CYP4F22: variants seen among roughly 807,000 people sequenced by gnomAD.
The protein encoded by CYP4F22 is cytochrome P450 family 4 subfamily F member 22.
Under a neutral mutation model 60.4 loss-of-function variants are expected in CYP4F22, and 37 were observed. The ratio of observed to expected loss-of-function variants is 0.61; its 90% confidence interval spans 0.47 to 0.81. The LOEUF (loss-of-function observed/expected upper bound fraction) is 0.81, where lower values mean the gene tolerates loss of function less well. Ranked by LOEUF, CYP4F22 falls within the 30% of genes least tolerant of loss-of-function variation. The pLI is 0.00. For missense variants in CYP4F22, 655 were observed against 715.0 expected (o/e 0.92, Z 0.96); for synonymous variants, 258 against 280.5 (o/e 0.92, Z 0.80).
chr19:15,516,676 C>T, intron 1 of CYP4F22: 1 of 482,720 alleles, frequency 2.1e-6, no homozygotes, highest in Non-Finnish European at 3.9e-6. Flanking sequence ...TCAGAGGCGG[C>T]TGAGAGGAGC....
At chr19:15,537,465 A>G in intron 5 of CYP4F22, 51 bp downstream of exon 5, 1 of 1,614,134 alleles carries the variant, frequency 6.2e-7, no homozygotes, top group Non-Finnish European at 8.5e-7. Context: ...AAGAGAGGGA[A>G]GAGCATGGGG....
At chr19:15,530,128 T>A (rs1169029835) in intron 4 of CYP4F22, among the ~76,000 whole-genome samples, 1 of 152,122 alleles carries the variant, frequency 6.6e-6, no homozygotes, top group Non-Finnish European at 1.5e-5. Context: ...TTCCTTATGG[T>A]TTTGTTAAGT....
At chr19:15,545,115 A>AC (rs964425269) in intron 10 of CYP4F22, among the ~76,000 whole-genome samples, 5 of 148,986 alleles carry the variant, frequency 3.4e-5, no homozygotes, top group East Asian at 1.9e-4. Context: ...AAAAAAAAAA[A>AC]ACAAAAGCTG....
At chr19:15,536,409 GTCTT>G (rs1329343497) in intron 4 of CYP4F22, among the ~76,000 whole-genome samples, 21 of 152,158 alleles carry the variant, frequency 1.4e-4, no homozygotes, top group African/African-American at 5.1e-4. Context: ...AGACAGAGGT[GTCTT>G]GAGAGAGATT....
In CYP4F22 at chr19:15,550,716, C is replaced by A. The variant is rs748177003; in HGVS notation, c.1378C>A (p.Arg460Ser). 1 of 1,614,200 alleles carries A rather than the reference C, an allele frequency of 6.2e-7. No individual in the cohort carries two copies. Among genetic ancestry groups the A allele is most frequent in the Non-Finnish European group, 8.5e-7 (1 of 1,180,040 alleles). ...YRFDPDNPQQ[R>S]SPLAYVPFSA... The stretch of plus-strand genomic sequence containing the variant: ...CTTTGACCCGGACAACCCACAGCAG[C>A]GCTCTCCACTGGCCTATGTGCCCTT... The change falls in exon 13 of 14, where the codon CGC becomes AGC. Residue 460 changes from arginine to serine, a missense_variant. Arg to Ser is a moderately radical substitution (Grantham distance 110, BLOSUM62 -1). Coordinates refer to ENST00000269703, the MANE Select transcript of CYP4F22 (RefSeq NM_173483.4).
chr19:15,543,886 C>T (rs1274849711), intron 8 of CYP4F22, 85 bp from the exon 9 acceptor site: 9 of 1,245,716 alleles, frequency 7.2e-6, no homozygotes, highest in African/African-American at 6.1e-5. Flanking sequence ...AAGATGGGGG[C>T]GGGGAGATAT....
At chr19:15,538,085 C>G in intron 7 of CYP4F22, 92 bp downstream of exon 7, 4 of 1,573,438 alleles carry the variant, frequency 2.5e-6, no homozygotes, top group South Asian at 2.3e-5. Flanking sequence ...TTAGACAACT[C>G]TGGCCTATGG....
At chr19:15,543,897 C>T in intron 8 of CYP4F22, 74 bp from the exon 9 acceptor site, 2 of 1,280,380 alleles carry the variant, frequency 1.6e-6, no homozygotes, top group Non-Finnish European at 2.3e-6. Context: ...GGGGAGATAT[C>T]TGAGTTTTGA....
rs12971788 is a variant in CYP4F22 at position 15,551,065 on chromosome 19, A to G, written c.1419-229A>G. 0.63 allele frequency among the ~76,000 whole-genome samples: 96,168 copies of G among 152,056 alleles called. 30,910 individuals are homozygous for G. Among genetic ancestry groups the G allele is most frequent in the South Asian group, 0.75 (3,612 of 4,820 alleles). ...GACTCAGAGGGGGCGCTGTGTATCC[A>G]GGACACACAGCTAGTAAGAGGCTGT... On this transcript the variant is annotated intron_variant, in intron 13 of 13. Transcript: ENST00000269703.
intron 1 of CYP4F22, 126 bp from the exon 2 acceptor site, chr19:15,523,567 G>A (rs1971248818): frequency 6.6e-6 from 1 of 152,176 alleles, no homozygotes. Flanking sequence ...AACCATATCA[G>A]ATTCTCTGAG....
intron 1 of CYP4F22, among the ~76,000 whole-genome samples, chr19:15,519,013 G>A (rs1335378158): frequency 6.6e-6 from 1 of 152,086 alleles, no homozygotes; most frequent in Non-Finnish European, 1.5e-5. Context: ...GAAAGGGGGA[G>A]GAAGAGGGTG....
intron 4 of CYP4F22, among the ~76,000 whole-genome samples, chr19:15,534,002 C>T (rs1971370364): frequency 6.6e-6 from 1 of 152,148 alleles, no homozygotes. Context: ...GAATTCTGTA[C>T]TTAACTTTTT....
chr19:15,537,321 A>T, intron 4 of CYP4F22, 40 bp from the exon 5 acceptor site: 1 of 1,612,590 alleles, frequency 6.2e-7, no homozygotes, highest in Non-Finnish European at 8.5e-7. Context: ...AAACCAAAAA[A>T]CTCTGTTTTG....
At chr19:15,520,867 G>A (rs1037016521) in intron 1 of CYP4F22, among the ~76,000 whole-genome samples, 6 of 150,590 alleles carry the variant, frequency 4.0e-5, no homozygotes, top group Admixed American at 6.6e-5. Context: ...TCCTGGGTTC[G>A]AGCAATTCTC....
At chr19:15,546,627 A>C (rs1204340347) in intron 10 of CYP4F22, among the ~76,000 whole-genome samples, 2 of 152,218 alleles carry the variant, frequency 1.3e-5, no homozygotes, top group Non-Finnish European at 2.9e-5. Context: ...AATCTAATCT[A>C]GAACATGAAC....
intron 10 of CYP4F22, among the ~76,000 whole-genome samples, chr19:15,545,474 C>G (rs538870115): frequency 2.0e-5 from 3 of 151,610 alleles, no homozygotes; most frequent in Non-Finnish European, 4.4e-5. Context: ...ATGACGAAAC[C>G]CTGTCTCTAC....
chr19:15,509,900 C>CTTTCTTTCTTT lies in CYP4F22; in HGVS notation c.-109+1317_-109+1318insTTTCTTTCTTT, dbSNP rs1555725970. Among the ~76,000 whole-genome samples the CTTTCTTTCTTT allele has an allele frequency of 4.3e-3, 375 of 87,740 alleles. 16 individuals carry two copies. The highest frequency in any genetic ancestry group is 9.8e-3 in the Admixed American group (79 of 8,066). The allele number at this position is 87,740 out of a possible 152,430, so 57.6% of individuals were successfully genotyped here. Reference sequence around the variant, plus strand: ...TCCTTCCTTCCTTCCTTCCTTCCTTCCTTCCTTTCTTTCTTTCCTTCCTTC... The same window carrying CTTTCTTTCTTT: ...TCCTTCCTTCCTTCCTTCCTTCCTTCTTTCTTTCTTTCTTCCTTTCTTTCTTTCCTTCCTTC... On this transcript the variant is annotated intron_variant, in intron 1 of 13. Transcript: ENST00000269703.
intron 4 of CYP4F22, among the ~76,000 whole-genome samples, 146 bp from the exon 5 acceptor site, chr19:15,537,204 GGCAGGAAAACT>G (rs1355576112): frequency 1.3e-5 from 2 of 152,106 alleles, no homozygotes; most frequent in African/African-American, 4.8e-5. Flanking sequence ...AGGAGGCAGA[GGCAGGAAAACT>G]GCTTGAACCT....
At chr19:15,541,955 C>T (rs976446338) in intron 8 of CYP4F22, among the ~76,000 whole-genome samples, 2 of 151,962 alleles carry the variant, frequency 1.3e-5, no homozygotes, top group African/African-American at 4.8e-5. Context: ...GTCTGTGGAC[C>T]TTTTGGGTTC....
Sources: allele counts gnomAD v4.1 joint callset (sites outside exome capture counted in the v4.1 genomes callset), GRCh38; gene constraint gnomAD v4.1.1; transcripts MANE v1.5; gene names NCBI Gene and HGNC (gene_info 2026-07-23, HGNC 2026-07-21).